ATAD3B: variants seen among roughly 807,000 people sequenced by gnomAD.
ATAD3B encodes ATPase family AAA domain containing 3B.
Under a neutral mutation model 70.2 loss-of-function variants are expected in ATAD3B, and 59 were observed. That is an observed-to-expected ratio of 0.84 (90% confidence interval 0.68 to 1.04). ATAD3B has a LOEUF of 1.04. Among genes scored for constraint, ATAD3B ranks in the 50% least tolerant of loss-of-function variants. ATAD3B has a pLI of 0.00. For missense variants in ATAD3B, 961 were observed against 913.4 expected, an observed-to-expected ratio of 1.05 and a Z score of -0.67; for synonymous variants, 423 against 388.6, an observed-to-expected ratio of 1.09 and a Z score of -1.04.
downstream of ATAD3B, among the ~76,000 whole-genome samples, chr1:1,499,189 T>C (rs1348079136): frequency 4.6e-5 from 7 of 151,218 alleles, no homozygotes; most frequent in East Asian, 7.8e-4. Context: ...GCCAGGATGG[T>C]CTCGATCTCC....
At position 1,496,126 on chromosome 1, in the gene ATAD3B, G is replaced by T. The variant is rs369470496; in HGVS notation, c.*309G>T. The T allele has an allele frequency of 8.8e-7, 1 of 1,135,448 alleles. No homozygotes were observed. Among genetic ancestry groups the T allele is most frequent in the South Asian group, 3.6e-5 (1 of 27,524 alleles). 70.3% of individuals were successfully genotyped at this position (1,135,448 alleles called of 1,614,324 possible). A position where few individuals can be genotyped will look rare whatever the true frequency, so the allele number is the denominator to read the frequency against. On this transcript the variant is annotated 3_prime_UTR_variant, in exon 16 of 16. Transcript: ENST00000673477. The stretch of plus-strand genomic sequence containing the variant: ...GAACCCGGCAGGGGTGTCTGAGGCC[G>T]CCCTGTCAGCTGGCCGGTCCAAGCC...
At chr1:1,509,225 G>A in the ATAD3B span, 1 of 1,612,938 alleles carries the variant, frequency 6.2e-7, no homozygotes, top group Non-Finnish European at 8.5e-7. Context: ...ATGCCTCCGA[G>A]GACGGGGTCC....
At chr1:1,483,144 A>G (rs1334046185) in intron 7 of ATAD3B, 2 of 405,750 alleles carry the variant, frequency 4.9e-6, no homozygotes, top group East Asian at 7.6e-5. Flanking sequence ...AAGAAAAAAA[A>G]AGAAAAGAAT....
chr1:1,499,230 C>G (rs191826804), downstream of ATAD3B, among the ~76,000 whole-genome samples: 406 of 151,250 alleles, frequency 2.7e-3, 2 homozygotes, highest in African/African-American at 9.3e-3. Context: ...CTCGACCTCC[C>G]AAAGTGCTGG....
chr1:1,490,101 G>C, intron 13 of ATAD3B, 156 bp from the exon 14 acceptor site: 1 of 1,432,530 alleles, frequency 7.0e-7, no homozygotes, highest in Non-Finnish European at 9.1e-7. Context: ...GGGTGACCAG[G>C]GCTGTGGCTG....
Position 1,482,589 on chromosome 1 carries a change from C to T in ATAD3B, c.725C>T (p.Thr242Ile), listed in dbSNP as rs779899308. The change falls in exon 7 of 16, where the codon ACA becomes ATA. Residue 242 changes from threonine to isoleucine, a missense_variant. Physicochemically the swap from Thr to Ile is moderately conservative, Grantham distance 89 (BLOSUM62 -1). This residue lies in a region of ATAD3B where 349 missense variants were observed against 307.5 expected (regional missense o/e 1.14). Transcript: ENST00000673477. ...GGGGAAGGATTCCGTGCCTTTGTGACAGACCGGGACAAAGTGACAGCCACG... is the reference window on the plus strand; with the variant it reads ...GGGGAAGGATTCCGTGCCTTTGTGATAGACCGGGACAAAGTGACAGCCACG... ...LFGEGFRAFV[T>I]DRDKVTATVA... The T allele has an allele frequency of 1.1e-5, 17 of 1,613,240 alleles. 1 individual carries two copies. In the Admixed American group the frequency reaches 1.5e-4, roughly 14 times the overall value.
chr1:1,492,787 A>G (rs1442285719), intron 15 of ATAD3B, among the ~76,000 whole-genome samples: 3 of 151,630 alleles, frequency 2.0e-5, no homozygotes, highest in Admixed American at 6.6e-5. Flanking sequence ...AAAAATAAAA[A>G]AATTATCCAG....
chr1:1,474,722 G>C (rs1394478505), intron 1 of ATAD3B, among the ~76,000 whole-genome samples: 2 of 151,922 alleles, frequency 1.3e-5, no homozygotes, highest in Non-Finnish European at 2.9e-5. Flanking sequence ...GGCTGGTCTT[G>C]AATTCTGGCC....
chr1:1,490,902 A>G (rs538415662), intron 15 of ATAD3B, among the ~76,000 whole-genome samples: 1 of 151,998 alleles, frequency 6.6e-6, no homozygotes, highest in East Asian at 1.9e-4. Context: ...TGACAGTCAC[A>G]CGGGGCTCTC....
In ATAD3B at chr1:1,495,729, G is replaced by C; in HGVS notation, c.1859G>C (p.Gly620Ala). 3.7e-6 allele frequency: 6 copies of C among 1,613,124 alleles called. No homozygotes were observed. The highest frequency in any genetic ancestry group is 5.1e-6 in the Non-Finnish European group (6 of 1,179,654). Residue 620 changes from glycine to alanine, a missense_variant, in exon 16 of 16, where the codon GGG becomes GCG. Around this residue, in one of 4 missense-constraint regions of ATAD3B, gnomAD observed 417 missense variants for 335.0 expected, o/e 1.24. Coordinates refer to ENST00000673477, the MANE Select transcript of ATAD3B (RefSeq NM_031921.6). ...PCTFRICSWM[G>A]TGLCPGPLSP... is the part of the protein sequence containing the mutation. ...ACATTTAGGATATGCTCCTGGATGG[G>C]GACTGGGCTGTGCCCAGGGCCTCTG...
At chr1:1,482,772 TC>T (rs1400755710) in intron 7 of ATAD3B, 158 bp downstream of exon 7, 2 of 1,214,648 alleles carry the variant, frequency 1.6e-6, no homozygotes, top group Admixed American at 2.2e-5. Context: ...CGGCTGCTCC[TC>T]CCTCCTTGAG....
Position 1,477,348 on chromosome 1 carries a change from A to G in ATAD3B, c.280A>G (p.Lys94Glu). The G allele has an allele frequency of 6.2e-7, 1 of 1,611,644 alleles. No individual in the cohort carries two copies. Among genetic ancestry groups the G allele is most frequent in the Admixed American group, 1.7e-5 (1 of 59,994 alleles). ...TLQLEQQSKL[K>E]EYEAAVEQLK... The stretch of plus-strand genomic sequence containing the variant: ...GCAGTTGGAGCAACAGTCCAAGCTC[A>G]AAGTGAGTGGGGCCGGTGTGGGCGA... The change falls in exon 2 of 16, where the codon AAA becomes GAA. Residue 94 changes from lysine to glutamate, a missense_variant and splice_region_variant. Coordinates refer to ENST00000673477, the MANE Select transcript of ATAD3B (RefSeq NM_031921.6).
Position 1,485,846 on chromosome 1 carries a change from G to C in ATAD3B, c.963+8G>C. 2 of 1,612,996 alleles carry C rather than the reference G, an allele frequency of 1.2e-6. No individual in the cohort carries two copies. Among genetic ancestry groups the C allele is most frequent in the South Asian group, 1.1e-5 (1 of 90,972 alleles). ...GAGGGTGTTGTGCTTAGTGTAAGTCGGTGTGCCTGGGACCGGGGAGGTGCA... is the reference window on the plus strand; with the variant it reads ...GAGGGTGTTGTGCTTAGTGTAAGTCCGTGTGCCTGGGACCGGGGAGGTGCA... On this transcript the variant is annotated splice_region_variant and intron_variant, in intron 9 of 15. Transcript: ENST00000673477.
chr1:1,507,500 A>T, the ATAD3B span, among the ~76,000 whole-genome samples: 1 of 152,236 alleles, frequency 6.6e-6, no homozygotes, highest in Non-Finnish European at 1.5e-5. Context: ...TATGTGGAAC[A>T]TGATTTTCGT....
chr1:1,487,423 GC>G (rs1173241126), intron 11 of ATAD3B, among the ~76,000 whole-genome samples: 2 of 151,102 alleles, frequency 1.3e-5, no homozygotes, highest in African/African-American at 2.4e-5. Flanking sequence ...GGGAGGCAGA[GC>G]CTGCAGTGAG....
the ATAD3B span, among the ~76,000 whole-genome samples, chr1:1,508,810 T>C: frequency 2.6e-5 from 4 of 151,402 alleles, no homozygotes; most frequent in African/African-American, 9.8e-5. Flanking sequence ...CCTGGAGGCC[T>C]GTGAGGGTCA....
chr1:1,490,219 G>A (rs769434841), intron 13 of ATAD3B, 38 bp from the exon 14 acceptor site: 2 of 1,598,500 alleles, frequency 1.3e-6, no homozygotes, highest in Non-Finnish European at 1.7e-6. Flanking sequence ...ATCTCAGCTG[G>A]CAGCCCCAGC....
the ATAD3B span, among the ~76,000 whole-genome samples, chr1:1,504,954 G>T: frequency 6.6e-6 from 1 of 152,086 alleles, no homozygotes; most frequent in South Asian, 2.1e-4. Flanking sequence ...GTGTGTGCGC[G>T]CCAGGCACAG....
At chr1:1,482,087 G>A (rs762234110) in intron 5 of ATAD3B, 51 bp from the exon 6 acceptor site, 1 of 1,579,068 alleles carries the variant, frequency 6.3e-7, no homozygotes, top group East Asian at 2.3e-5. Flanking sequence ...GTGGGTGGAG[G>A]TGGACGTGCT....
Sources: allele counts gnomAD v4.1 joint callset (sites outside exome capture counted in the v4.1 genomes callset), GRCh38; gene constraint gnomAD v4.1.1; regional missense constraint gnomAD v4.1.1; transcripts MANE v1.5; gene names NCBI Gene and HGNC (gene_info 2026-07-23, HGNC 2026-07-21).